The following BPIFB4 variants were observed in gnomAD, a reference collection of about 807,000 sequenced individuals.
BPIFB4 encodes BPI fold-containing family B member 4.
Under a neutral mutation model 69.2 loss-of-function variants are expected in BPIFB4, and 62 were observed. The observed-to-expected ratio is 0.90, with a 90% CI of 0.73 to 1.11. BPIFB4 has a LOEUF of 1.11. Ranked by LOEUF, BPIFB4 falls within the 50% of genes least tolerant of loss-of-function variation. The pLI, the probability that BPIFB4 is intolerant of heterozygous loss-of-function variation, is 0.00. For synonymous variants in BPIFB4, 330 were observed against 332.7 expected (o/e 0.99, Z 0.09); for missense variants, 789 against 792.0 (o/e 1.00, Z 0.04).
At chr20:33,097,456 T>C (rs1981786350) in intron 12 of BPIFB4, among the ~76,000 whole-genome samples, 161 bp from the exon 13 acceptor site, 1 of 152,172 alleles carries the variant, frequency 6.6e-6, no homozygotes. Context: ...AGAGGGCAGC[T>C]CCTTGCCCAG....
Position 33,089,567 on chromosome 20 carries a change from A to G in BPIFB4, c.1051+9A>G. On this transcript the variant is annotated intron_variant, in intron 9 of 17. Coordinates refer to ENST00000375483, the MANE Select transcript of BPIFB4 (RefSeq NM_182519.3). ...GCTGGGCCTCGTGGATTGTAAGTCC[A>G]ATACACTTTCTCCAGCCTGGGGAAG... 6.2e-7 allele frequency: 1 copy of G among 1,614,204 alleles called. No homozygotes were observed. The highest frequency in any genetic ancestry group is 8.5e-7 in the Non-Finnish European group (1 of 1,180,028).
intron 16 of BPIFB4, among the ~76,000 whole-genome samples, chr20:33,107,323 G>A (rs1452546048): frequency 6.6e-6 from 1 of 152,088 alleles, no homozygotes; most frequent in Non-Finnish European, 1.5e-5. Context: ...GGGCACCATG[G>A]CTCACACCTG....
rs779176479 is a variant in BPIFB4, at chr20:33,090,720, T to C, written c.1064T>C (p.Leu355Pro). The C allele has an allele frequency of 4.3e-6, 7 of 1,614,052 alleles. No homozygotes were observed. Among genetic ancestry groups the C allele is most frequent in the Non-Finnish European group, 1.7e-6 (2 of 1,180,018 alleles). Residue 355 changes from leucine (L) to proline (P), a missense_variant, in exon 10 of 18, where the codon CTG becomes CCG. Leu to Pro is a moderately conservative substitution (Grantham distance 98). Coordinates refer to ENST00000375483, the MANE Select transcript of BPIFB4 (RefSeq NM_182519.3). Reference sequence around the variant, plus strand: ...CCTTTGCCTGCAGCTCTGATTCCTCTGGGGATATTGGGAAGTGTCCAGTAC... The same window carrying C: ...CCTTTGCCTGCAGCTCTGATTCCTCCGGGGATATTGGGAAGTGTCCAGTAC... Reference protein sequence around the residue: ...QLGLVDSLIPLGILGSVQYTF... With the variant: ...QLGLVDSLIPPGILGSVQYTF...
chr20:33,105,415 C>T (rs1274948058), intron 16 of BPIFB4, among the ~76,000 whole-genome samples: 2 of 152,108 alleles, frequency 1.3e-5, no homozygotes, highest in Non-Finnish European at 2.9e-5. Flanking sequence ...CCAGAATCTG[C>T]CCCCCTAGGG....
intron 7 of BPIFB4, 35 bp from the exon 8 acceptor site, chr20:33,088,931 C>A (rs765161328): frequency 6.2e-7 from 1 of 1,612,412 alleles, no homozygotes; most frequent in Non-Finnish European, 8.5e-7. Flanking sequence ...CACATGGCTG[C>A]GAGCCTTGAC....
At chr20:33,100,361 G>A (rs1275035494) in intron 13 of BPIFB4, 65 bp from the exon 14 acceptor site, 3 of 1,390,330 alleles carry the variant, frequency 2.2e-6, no homozygotes, top group South Asian at 2.4e-5. Context: ...CACACAATGA[G>A]CCTTTGGCAA....
At chr20:33,104,308 C>T (rs529129365) in intron 15 of BPIFB4, among the ~76,000 whole-genome samples, 1 of 152,330 alleles carries the variant, frequency 6.6e-6, no homozygotes, top group Admixed American at 6.5e-5. Context: ...GTGATCTACC[C>T]ACCATCCTCA....
At chr20:33,107,331 C>T (rs1050977250) in intron 16 of BPIFB4, among the ~76,000 whole-genome samples, 6 of 152,018 alleles carry the variant, frequency 3.9e-5, no homozygotes, top group African/African-American at 9.7e-5. Flanking sequence ...TGGCTCACAC[C>T]TGTAATCTCA....
chr20:33,107,966 G>A, intron 17 of BPIFB4, 146 bp downstream of exon 17: 1 of 698,704 alleles, frequency 1.4e-6, no homozygotes, highest in Non-Finnish European at 2.5e-6. Flanking sequence ...CCAAGCATGG[G>A]GCTGAGGGAA....
chr20:33,091,796 A>C (rs1981607435), intron 10 of BPIFB4, among the ~76,000 whole-genome samples: 1 of 152,210 alleles, frequency 6.6e-6, no homozygotes, highest in Admixed American at 6.5e-5. Flanking sequence ...ATAAAGAATC[A>C]CTCAAACAAA....
intron 15 of BPIFB4, among the ~76,000 whole-genome samples, chr20:33,103,827 C>T (rs911271853): frequency 1.3e-5 from 2 of 152,228 alleles, no homozygotes; most frequent in South Asian, 2.1e-4. Flanking sequence ...CTGCCCAAGG[C>T]TTCCCAGCTG....
intron 17 of BPIFB4, 66 bp downstream of exon 17, chr20:33,107,886 G>A: frequency 7.2e-7 from 1 of 1,385,098 alleles, no homozygotes; most frequent in Non-Finnish European, 1.0e-6. Context: ...TTTGACCACT[G>A]CATTCAGGCC....
rs747244188 is a variant in BPIFB4 at position 33,080,494 on chromosome 20, A to G, written c.-98A>G. The G allele has an allele frequency of 1.3e-5, 2 of 152,264 alleles. No individual in the cohort carries two copies. Among genetic ancestry groups the G allele is most frequent in the African/African-American group, 2.4e-5 (1 of 41,462 alleles). The allele number at this position is 152,264 out of a possible 1,614,324, so 9.4% of individuals were successfully genotyped here. On this transcript the variant is annotated 5_prime_UTR_variant, in exon 2 of 18. Transcript: ENST00000375483. ...GGGTCTGAAATAACAGTCCCAAAGTAATAACAATAGCTGCTCTTTATTGAG... is the reference window on the plus strand; with the variant it reads ...GGGTCTGAAATAACAGTCCCAAAGTGATAACAATAGCTGCTCTTTATTGAG...
At chr20:33,081,437 G>A in intron 2 of BPIFB4, 75 bp from the exon 3 acceptor site, 1 of 1,520,150 alleles carries the variant, frequency 6.6e-7, no homozygotes, top group South Asian at 1.3e-5. Context: ...CTCTTGGCTG[G>A]GGCTGCCTAG....
intron 17 of BPIFB4, among the ~76,000 whole-genome samples, chr20:33,109,298 TC>T (rs1982168122): frequency 6.6e-6 from 1 of 152,196 alleles, no homozygotes; most frequent in Non-Finnish European, 1.5e-5. Context: ...ATCTTCATCA[TC>T]ATCATCATCA....
intron 7 of BPIFB4, among the ~76,000 whole-genome samples, chr20:33,086,401 G>C (rs1217128660): frequency 6.6e-6 from 1 of 152,210 alleles, no homozygotes; most frequent in Non-Finnish European, 1.5e-5. Context: ...CCTTCGACCA[G>C]CCTGGAAAAT....
At chr20:33,084,467 C>T (rs1392556326) in intron 5 of BPIFB4, among the ~76,000 whole-genome samples, 6 of 152,164 alleles carry the variant, frequency 3.9e-5, no homozygotes, top group Non-Finnish European at 5.9e-5. Context: ...ATCTCTATAA[C>T]GGGGCAGCTC....
chr20:33,100,547 G>C, intron 14 of BPIFB4, 54 bp downstream of exon 14: 6 of 1,510,412 alleles, frequency 4.0e-6, no homozygotes, highest in Non-Finnish European at 5.5e-6. Flanking sequence ...GCTCATGGAG[G>C]AGCCACCAGG....
In BPIFB4 at chr20:33,097,778, C is replaced by A; in HGVS notation, c.1560C>A (p.Leu520=). Residue 520 remains leucine (L), a synonymous_variant, in exon 13 of 18, where the codon CTC becomes CTA. Transcript: ENST00000375483. ...QPKDLETTIC[L]IDVDTEFLAS... ...AAGACCTGGAGACTACCATCTGCCT[C>A]ATTGACGTGGTGAGTGTCTGGAGGT... is the stretch of plus-strand genomic sequence containing the variant. 6.2e-7 allele frequency: 1 copy of A among 1,612,620 alleles called. No individual in the cohort carries two copies. The highest frequency in any genetic ancestry group is 1.1e-5 in the South Asian group (1 of 90,928).
Sources: gnomAD v4.1 joint callset for allele counts (sites outside exome capture counted in the v4.1 genomes callset) on GRCh38, gnomAD v4.1.1 for gene constraint, MANE v1.5 for transcripts, NCBI Gene and HGNC (gene_info 2026-07-23, HGNC 2026-07-21) for gene names.